The following WDFY3 variants were observed in gnomAD, a reference collection of about 807,000 sequenced individuals.
WDFY3 encodes the protein WD repeat and FYVE domain-containing protein 3.
In WDFY3, 66 loss-of-function variants were observed where a neutral mutation model predicts 409.6. That is an observed-to-expected ratio of 0.16 (90% CI 0.13 to 0.20). WDFY3 has a LOEUF of 0.20. WDFY3 is among the 10% of genes least tolerant of loss of function. WDFY3 has a pLI of 1.00. For missense variants in WDFY3, 3,031 were observed against 4,298.1 expected (o/e 0.71, Z 8.24); for synonymous variants, 1,521 against 1,537.1 (o/e 0.99, Z 0.25).
chr4:84,792,865 T>C (rs1403436537), intron 21 of WDFY3, among the ~76,000 whole-genome samples: 6 of 152,172 alleles, frequency 3.9e-5, no homozygotes. Flanking sequence ...ATTTATAAGT[T>C]TACATAATAT....
intron 27 of WDFY3, among the ~76,000 whole-genome samples, chr4:84,776,629 C>G (rs1002490313): frequency 6.6e-6 from 1 of 152,018 alleles, no homozygotes; most frequent in Non-Finnish European, 1.5e-5. Flanking sequence ...TTTAAATTAT[C>G]TATTTCTTTG....
chr4:84,687,032 T>C (rs747049581), intron 62 of WDFY3, among the ~76,000 whole-genome samples: 1 of 152,242 alleles, frequency 6.6e-6, no homozygotes, highest in Non-Finnish European at 1.5e-5. Context: ...TCTGGATCTG[T>C]TTTGAAAATA....
chr4:84,811,953 A>G (rs1463521948), intron 13 of WDFY3, among the ~76,000 whole-genome samples: 1 of 152,194 alleles, frequency 6.6e-6, no homozygotes, highest in African/African-American at 2.4e-5. Context: ...AATTTTGCTC[A>G]TGCAACTTTA....
chr4:84,717,942 G>C (rs1400524886), intron 48 of WDFY3, among the ~76,000 whole-genome samples: 4 of 151,480 alleles, frequency 2.6e-5, no homozygotes, highest in African/African-American at 9.7e-5. Flanking sequence ...CAGCTACTCG[G>C]GAGGCTGAGG....
chr4:84,821,932 A>G (rs1754129718), intron 10 of WDFY3, among the ~76,000 whole-genome samples: 1 of 152,194 alleles, frequency 6.6e-6, no homozygotes, highest in Non-Finnish European at 1.5e-5. Context: ...AAAGACTTTG[A>G]GGCTGAAGAA....
At chr4:84,772,497 T>C (rs1744839385) in intron 30 of WDFY3, among the ~76,000 whole-genome samples, 1 of 152,146 alleles carries the variant, frequency 6.6e-6, no homozygotes. Context: ...AAGTATCATG[T>C]TTCTGAAGAG....
chr4:84,709,242 T>G lies in WDFY3; in HGVS notation c.8097+51A>C, dbSNP rs563509264. The G allele has an allele frequency of 1.7e-5, 26 of 1,535,662 alleles. No homozygotes were observed. In the South Asian group the frequency reaches 2.1e-4, roughly 13 times the overall value. On this transcript the variant is annotated intron_variant, in intron 52 of 67. Coordinates refer to ENST00000295888, the MANE Select transcript of WDFY3 (RefSeq NM_014991.6). ...TTAAAGTGCTTTTAACTGTATGACT[T>G]CTACTCTAATTACGAACTTCTAAGG...
intron 7 of WDFY3, among the ~76,000 whole-genome samples, chr4:84,832,478 T>C (rs1347834918): frequency 6.6e-6 from 1 of 152,166 alleles, no homozygotes; most frequent in Non-Finnish European, 1.5e-5. Context: ...GGTAGAAGAA[T>C]GAATTTTAAA....
chr4:84,947,405 G>A (rs1272737450), intron 1 of WDFY3, among the ~76,000 whole-genome samples: 5 of 149,330 alleles, frequency 3.3e-5, no homozygotes, highest in South Asian at 2.1e-4. Flanking sequence ...CCAGCTACTC[G>A]GGAGGCTGAG....
intron 5 of WDFY3, among the ~76,000 whole-genome samples, chr4:84,841,937 T>TA (rs1400907757): frequency 6.6e-6 from 1 of 152,136 alleles, no homozygotes; most frequent in Non-Finnish European, 1.5e-5. Context: ...ATAAGAGGTT[T>TA]CCTAAGTAAT....
intron 4 of WDFY3, among the ~76,000 whole-genome samples, chr4:84,851,472 T>C (rs1758998775): frequency 1.3e-5 from 2 of 152,134 alleles, no homozygotes; most frequent in Admixed American, 6.5e-5. Context: ...AATCAAATTC[T>C]AGAGAACATT....
chr4:84,892,647 A>G (rs1188913492), intron 3 of WDFY3, among the ~76,000 whole-genome samples: 1 of 152,200 alleles, frequency 6.6e-6, no homozygotes, highest in African/African-American at 2.4e-5. Context: ...TTGTTTGCTG[A>G]ATAATTTATT....
chr4:84,949,310 G>A (rs1212107493), intron 1 of WDFY3, among the ~76,000 whole-genome samples: 2 of 152,150 alleles, frequency 1.3e-5, no homozygotes, highest in African/African-American at 2.4e-5. Flanking sequence ...AAACTTGGCA[G>A]TATAGTACAA....
intron 30 of WDFY3, among the ~76,000 whole-genome samples, chr4:84,767,163 GTAATTCT>G (rs1329902996): frequency 5.9e-5 from 9 of 151,900 alleles, no homozygotes; most frequent in Non-Finnish European, 1.3e-4. Context: ...TCTTATTTTG[GTAATTCT>G]TACAGTGTTT....
chr4:84,815,916 T>A (rs189982410), intron 13 of WDFY3, among the ~76,000 whole-genome samples: 4 of 152,164 alleles, frequency 2.6e-5, no homozygotes, highest in African/African-American at 9.6e-5. Context: ...ATCTTTAGTA[T>A]CCAGTGATGA....
intron 48 of WDFY3, among the ~76,000 whole-genome samples, chr4:84,717,442 G>A (rs530869368): frequency 1.3e-5 from 2 of 152,250 alleles, no homozygotes; most frequent in East Asian, 1.9e-4. Flanking sequence ...AAGGACCCAC[G>A]AAAGACTTCA....
chr4:84,832,625 G>A (rs972682302), intron 7 of WDFY3, among the ~76,000 whole-genome samples: 1 of 151,986 alleles, frequency 6.6e-6, no homozygotes, highest in African/African-American at 2.4e-5. Flanking sequence ...ATTATTATTT[G>A]TCAATTAAAA....
rs148897049 is a variant in WDFY3, at chr4:84,822,822, C to T, written c.1124-1271G>A. ...CTCCAGCCTATATATGATTTCAATT[C>T]TCTAATTTCTTGTTTATTACATGTA... On this transcript the variant is annotated intron_variant, in intron 10 of 67. Coordinates refer to ENST00000295888, the MANE Select transcript of WDFY3 (RefSeq NM_014991.6). Among the ~76,000 whole-genome samples, 564 of 152,252 alleles carry T rather than the reference C, an allele frequency of 3.7e-3. 2 individuals are homozygous for T. Among genetic ancestry groups the T allele is most frequent in the African/African-American group, 0.013 (527 of 41,554 alleles).
rs376202871 is a variant in WDFY3, at chr4:84,690,585, G to A, written c.9284C>T (p.Thr3095Met). 55 of 1,614,014 alleles carry A rather than the reference G, an allele frequency of 3.4e-5. No individual in the cohort carries two copies. In the Middle Eastern group the frequency reaches 6.6e-4, roughly 19 times the overall value. The stretch of plus-strand genomic sequence containing the variant: ...ACACACAACCGTGCTTGTTCCACCC[G>A]TGATGACCAGCTTGGGGTTGGGGCA... ...AICPNPKLVI[T>M]GGTSTVVCVW... Residue 3095 changes from threonine to methionine, a missense_variant, in exon 61 of 68, where the codon ACG becomes ATG. Coordinates refer to ENST00000295888, the MANE Select transcript of WDFY3 (RefSeq NM_014991.6).
Sources: gnomAD v4.1 joint callset for allele counts (sites outside exome capture counted in the v4.1 genomes callset) on GRCh38, gnomAD v4.1.1 for gene constraint, MANE v1.5 for transcripts, NCBI Gene and HGNC (gene_info 2026-07-23, HGNC 2026-07-21) for gene names.